Variants in KIAA1217 observed in about 807,000 individuals in gnomAD.
The protein encoded by KIAA1217 is KIAA1217, also known as sickle tail protein homolog.
KIAA1217 carries 88 observed loss-of-function variants against 163.9 expected under a neutral mutation model. The ratio of observed to expected loss-of-function variants is 0.54; its 90% CI spans 0.45 to 0.64. The LOEUF is 0.64. KIAA1217 is among the 30% of genes least tolerant of loss of function. The pLI is 0.00. For synonymous variants in KIAA1217, 903 were observed against 923.1 expected (o/e 0.98, Z 0.39); for missense variants, 2,372 against 2,475.0 (o/e 0.96, Z 0.88).
intron 2 of KIAA1217, among the ~76,000 whole-genome samples, chr10:24,023,551 A>G (rs1482528726): frequency 6.6e-6 from 1 of 151,628 alleles, no homozygotes; most frequent in Non-Finnish European, 1.5e-5. Context: ...TATATATGCA[A>G]TTTCTGTAGG....
chr10:23,965,163 A>G lies in KIAA1217; in HGVS notation c.-320-42062A>G, dbSNP rs188578511. On this transcript the variant is annotated intron_variant, in intron 1 of 18. Transcript: ENST00000376462. ...CCTGAATTAGCAAAAATAAAAATACACAAACACACACACATGTATAATTTT... is the reference window on the plus strand; with the variant it reads ...CCTGAATTAGCAAAAATAAAAATACGCAAACACACACACATGTATAATTTT... 1.2e-3 allele frequency among the ~76,000 whole-genome samples: 181 copies of G among 152,348 alleles called. 1 individual carries two copies. The highest frequency in any genetic ancestry group is 1.6e-3 in the Non-Finnish European group (110 of 68,024).
At position 24,473,274 on chromosome 10, in the gene KIAA1217, C is replaced by T. The variant is rs747245797; in HGVS notation, c.893C>T (p.Pro298Leu). The T allele has an allele frequency of 1.3e-6, 2 of 1,522,002 alleles. No individual in the cohort carries two copies. Among genetic ancestry groups the T allele is most frequent in the Admixed American group, 4.4e-5 (2 of 45,182 alleles). The allele number at this position is 1,522,002 out of a possible 1,614,324, so 94.3% of individuals were successfully genotyped here. A position where few individuals can be genotyped will look rare whatever the true frequency, so the allele number is the denominator to read the frequency against. The change falls in exon 6 of 21, where the codon CCT (proline) becomes CTT (leucine). Residue 298 changes from proline (P) to leucine (L), a missense_variant. This residue lies in a region of KIAA1217 where 1,431 missense variants were observed against 1,470.3 expected (regional missense o/e 0.97). Coordinates refer to ENST00000376454, the MANE Select transcript of KIAA1217 (RefSeq NM_019590.5). ...GCAAGAGGAGATGGCCCTGGGGCCC[C>T]TCGCCCCGGATCTACTGCTCATCCA... ...VYARGDGPGA[P>L]RPGSTAHPPH...
At chr10:24,054,437 A>G (rs1377425639) in intron 2 of KIAA1217, among the ~76,000 whole-genome samples, 1 of 152,160 alleles carries the variant, frequency 6.6e-6, no homozygotes, top group African/African-American at 2.4e-5. Flanking sequence ...TGAGGAGAGA[A>G]AGTAGCCCAG....
chr10:24,144,864 A>C (rs1367155403), intron 2 of KIAA1217, among the ~76,000 whole-genome samples: 1 of 151,982 alleles, frequency 6.6e-6, no homozygotes, highest in East Asian at 1.9e-4. Context: ...TGTTAGCCCC[A>C]CCTTTCTCCC....
At chr10:23,922,016 T>A (rs1189473058) in intron 1 of KIAA1217, among the ~76,000 whole-genome samples, 11 of 151,938 alleles carry the variant, frequency 7.2e-5, no homozygotes, top group Admixed American at 7.2e-4. Context: ...GTACCAGCCA[T>A]GTGATGAGAG....
intron 3 of KIAA1217, among the ~76,000 whole-genome samples, chr10:24,429,211 C>A (rs1008116355): frequency 1.3e-5 from 2 of 152,152 alleles, no homozygotes; most frequent in Non-Finnish European, 2.9e-5. Flanking sequence ...CTTTCTGATA[C>A]CTGATCCTTC....
At chr10:24,230,670 CCTGGCTAA>C (rs2071280754) in intron 2 of KIAA1217, among the ~76,000 whole-genome samples, 1 of 151,968 alleles carries the variant, frequency 6.6e-6, no homozygotes, top group African/African-American at 2.4e-5. Context: ...TGCAACCACT[CCTGGCTAA>C]CTTTTGCATT....
intron 3 of KIAA1217, among the ~76,000 whole-genome samples, chr10:24,412,001 C>T (rs760390830): frequency 6.6e-5 from 10 of 152,174 alleles, no homozygotes; most frequent in Admixed American, 2.0e-4. Flanking sequence ...ACTAGAGCAT[C>T]GCCGAGGGTG....
chr10:23,701,963 A>G lies in KIAA1217; in HGVS notation c.-321+6729A>G, dbSNP rs188413105. Among the ~76,000 whole-genome samples the G allele has an allele frequency of 2.5e-3, 380 of 152,242 alleles. 5 individuals carry two copies. The highest frequency in any genetic ancestry group is 2.1e-3 in the East Asian group (11 of 5,180). On this transcript the variant is annotated intron_variant, in intron 1 of 18. Coordinates refer to the KIAA1217 transcript ENST00000376462. ...AATGGTTTTGCTTTACCAGAGAAAA[A>G]TGTCATGTTGTGCCCATTTTTCATG...
intron 1 of KIAA1217, among the ~76,000 whole-genome samples, chr10:23,875,744 A>G (rs1370019608): frequency 6.6e-6 from 1 of 152,068 alleles, no homozygotes; most frequent in Non-Finnish European, 1.5e-5. Flanking sequence ...TGTGGCACAT[A>G]TACACCATGG....
At chr10:24,204,187 G>A (rs1013638845), upstream of KIAA1217, among the ~76,000 whole-genome samples, 1 of 152,186 alleles carries the variant, frequency 6.6e-6, no homozygotes, top group African/African-American at 2.4e-5. Context: ...GTGTTGGTGG[G>A]TGGCGAGGGG....
intron 3 of KIAA1217, among the ~76,000 whole-genome samples, chr10:24,398,538 G>A (rs183703303): frequency 6.2e-4 from 95 of 152,316 alleles, no homozygotes; most frequent in African/African-American, 2.2e-3. Context: ...AGGAGTGGAA[G>A]TTTGTTAGAA....
chr10:24,326,279 C>A (rs941556528), intron 2 of KIAA1217, among the ~76,000 whole-genome samples: 1 of 151,944 alleles, frequency 6.6e-6, no homozygotes, highest in Non-Finnish European at 1.5e-5. Context: ...TTATTTCATG[C>A]AAGATGTTGA....
chr10:23,932,414 T>TAA (rs34748861), intron 1 of KIAA1217, among the ~76,000 whole-genome samples: 16 of 147,494 alleles, frequency 1.1e-4, no homozygotes, highest in South Asian at 2.1e-4. Flanking sequence ...CTTCTAGTCT[T>TAA]AAAAAAAAAA....
chr10:23,897,157 T>C (rs1841743083), intron 1 of KIAA1217, among the ~76,000 whole-genome samples: 1 of 152,120 alleles, frequency 6.6e-6, no homozygotes, highest in Non-Finnish European at 1.5e-5. Context: ...AAAATTCTGA[T>C]GTAAGCAATA....
intron 1 of KIAA1217, 111 bp downstream of exon 1, chr10:24,209,374 AGGC>A: frequency 3.7e-5 from 29 of 776,128 alleles, no homozygotes; most frequent in Non-Finnish European, 5.2e-5. Context: ...AAAAAAAAAA[AGGC>A]AATTTCTTGG....
chr10:23,940,460 C>CAAAAAAAA (rs760090400), intron 1 of KIAA1217, among the ~76,000 whole-genome samples: 250 of 45,748 alleles, frequency 5.5e-3, no homozygotes, highest in Non-Finnish European at 6.2e-3. Flanking sequence ...GACTCCGTCT[C>CAAAAAAAA]AAAAAAAAAA....
At chr10:24,107,716 A>G (rs995129658) in intron 2 of KIAA1217, among the ~76,000 whole-genome samples, 19 of 152,212 alleles carry the variant, frequency 1.2e-4, no homozygotes, top group African/African-American at 4.3e-4. Context: ...AAAATTATCC[A>G]TCTTGGAAGT....
At chr10:24,437,322 G>A (rs562386191) in intron 4 of KIAA1217, among the ~76,000 whole-genome samples, 9 of 152,208 alleles carry the variant, frequency 5.9e-5, no homozygotes, top group Non-Finnish European at 1.0e-4. Flanking sequence ...AACCGTGCAA[G>A]CTTGGGCTAG....
Sources: allele counts gnomAD v4.1 joint callset (sites outside exome capture counted in the v4.1 genomes callset), GRCh38; gene constraint gnomAD v4.1.1; regional missense constraint gnomAD v4.1.1; transcripts MANE v1.5; gene names NCBI Gene and HGNC (gene_info 2026-07-23, HGNC 2026-07-21).